CHRNA2: variants seen among roughly 807,000 people sequenced by gnomAD.
The protein encoded by CHRNA2 is cholinergic receptor nicotinic alpha 2 subunit.
CHRNA2 carries 40 observed loss-of-function variants against 45.5 expected under a neutral mutation model. The observed-to-expected ratio is 0.88, with a 90% CI of 0.68 to 1.15. The LOEUF (loss-of-function observed/expected upper bound fraction) is 1.15, where lower values mean the gene tolerates loss of function less well. Among genes scored for constraint, CHRNA2 ranks in the 50% most tolerant of loss-of-function variants. CHRNA2 has a pLI of 0.00. For synonymous variants in CHRNA2, 301 were observed against 296.7 expected (o/e 1.01, Z -0.15); for missense variants, 655 against 701.7 (o/e 0.93, Z 0.75).
In CHRNA2 at chr8:27,463,049, TG is replaced by T. The variant is rs1394301488; in HGVS notation, c.1393del (p.His465ThrfsTer25). On this transcript the variant is annotated frameshift_variant, in exon 6 of 7. Coordinates refer to ENST00000407991, the MANE Select transcript of CHRNA2 (RefSeq NM_000742.4). LOFTEE classifies it high-confidence loss of function. This position sits in a 1 kb window ranked among gnomAD's most constrained non-coding sequence, Gnocchi z 6.1. ...CACACCTTCCAGTGCCTTCTGCATG[TG>T]GGGTGATAGCAGCAGCTCACCCTCC... ...LQEGELLLSP[H>X]MQKALEGVHY... 8.7e-6 allele frequency: 14 copies of T among 1,613,642 alleles called. No individual in the cohort carries two copies. Among genetic ancestry groups the T allele is most frequent in the Admixed American group, 1.7e-5 (1 of 59,998 alleles).
rs937100922 is a variant in CHRNA2 at position 27,473,527 on chromosome 8, C to CA, written c.-136-2334_-136-2333insT. On this transcript the variant is annotated intron_variant, in intron 1 of 6. Coordinates refer to ENST00000407991, the MANE Select transcript of CHRNA2 (RefSeq NM_000742.4). ...CCAGCCTGGGCAACATAGTGAGACCCCCCCCGCCGTCTCTACAAAAAATTC... is the reference window on the plus strand; with the variant it reads ...CCAGCCTGGGCAACATAGTGAGACCCACCCCCGCCGTCTCTACAAAAAATTC... 3.8e-4 allele frequency among the ~76,000 whole-genome samples: 45 copies of CA among 118,496 alleles called. 2 individuals are homozygous for CA. Among genetic ancestry groups the CA allele is most frequent in the Non-Finnish European group, 7.3e-4 (40 of 54,796 alleles). The allele number at this position is 118,496 out of a possible 152,430, so 77.7% of individuals were successfully genotyped here.
intron 5 of CHRNA2, among the ~76,000 whole-genome samples, chr8:27,465,198 T>A (rs1812659543): frequency 6.6e-6 from 1 of 151,902 alleles, no homozygotes; most frequent in African/African-American, 2.4e-5. Context: ...TAGCACTTCC[T>A]GGAAGCCTCA....
chr8:27,469,425 C>G (rs1448354515), intron 3 of CHRNA2, 46 bp from the exon 4 acceptor site: 1 of 1,539,578 alleles, frequency 6.5e-7, no homozygotes, highest in African/African-American at 1.4e-5. Flanking sequence ...GTGGGCCCAG[C>G]CCCAGAAGAC....
At position 27,461,465 on chromosome 8, in the gene CHRNA2, A is replaced by C. The variant is rs1321871972; in HGVS notation, c.*164T>G. Reference sequence around the variant, plus strand: ...CCCAGCAGGCTGTCAGCCCTGGTACAATAACGTTAAGCTGGATGGAAGCCT... The same window carrying C: ...CCCAGCAGGCTGTCAGCCCTGGTACCATAACGTTAAGCTGGATGGAAGCCT... On this transcript the variant is annotated 3_prime_UTR_variant, in exon 7 of 7. Transcript: ENST00000407991. 2.0e-6 allele frequency: 2 copies of C among 981,098 alleles called. No homozygotes were observed. Among genetic ancestry groups the C allele is most frequent in the South Asian group, 3.2e-5 (2 of 62,216 alleles). 60.8% of individuals were successfully genotyped at this position (981,098 alleles called of 1,614,324 possible).
In CHRNA2 at chr8:27,470,112, G is replaced by A. The variant is rs1812830828; in HGVS notation, c.74-131C>T. ...AGATGATAATGTCTATCAGAGCTGA[G>A]CACAGCATGAGCAGGCTGCGGGGTC... is the stretch of plus-strand genomic sequence containing the variant. On this transcript the variant is annotated intron_variant, in intron 2 of 6. Transcript: ENST00000407991. 5 of 892,786 alleles carry A rather than the reference G, an allele frequency of 5.6e-6. No homozygotes were observed. The East Asian group carries it at 1.1e-4, about 19-fold the overall frequency. 55.3% of individuals were successfully genotyped at this position (892,786 alleles called of 1,614,324 possible). A position where few individuals can be genotyped will look rare whatever the true frequency, so the allele number is the denominator to read the frequency against.
chr8:27,463,055 G>A lies in CHRNA2; in HGVS notation c.1388C>T (p.Ser463Leu), dbSNP rs1329360905. The change falls in exon 6 of 7, where the codon TCA (serine) becomes TTA (leucine). Residue 463 changes from serine to leucine, a missense_variant. By Grantham distance (145) the Ser-to-Leu change is moderately radical. Around this residue, in one of 3 missense-constraint regions of CHRNA2, gnomAD observed 295 missense variants for 280.4 expected, o/e 1.05. Coordinates refer to ENST00000407991, the MANE Select transcript of CHRNA2 (RefSeq NM_000742.4). The surrounding 1 kb of genome is among the most constrained non-coding windows in gnomAD (Gnocchi z 6.1). ...TTCCAGTGCCTTCTGCATGTGGGGT[G>A]ATAGCAGCAGCTCACCCTCCTGCAG... ...ALLQEGELLL[S>L]PHMQKALEGV... The A allele has an allele frequency of 1.2e-6, 2 of 1,613,540 alleles. No individual in the cohort carries two copies. Among genetic ancestry groups the A allele is most frequent in the African/African-American group, 2.7e-5 (2 of 75,060 alleles).
At chr8:27,467,162 A>G in intron 5 of CHRNA2, 67 bp downstream of exon 5, 1 of 1,288,002 alleles carries the variant, frequency 7.8e-7, no homozygotes, top group East Asian at 2.3e-5. Context: ...GCCCCTCCCA[A>G]GGCCATGGAC....
intron 3 of CHRNA2, 101 bp from the exon 4 acceptor site, chr8:27,469,480 C>A (rs1303037605): frequency 7.7e-7 from 1 of 1,301,002 alleles, no homozygotes; most frequent in East Asian, 2.5e-5. Flanking sequence ...TGATAGGACA[C>A]CCCAAGCCCA....
At chr8:27,470,156 G>A (rs1812832735) in intron 2 of CHRNA2, 175 bp from the exon 3 acceptor site, 1 of 688,446 alleles carries the variant, frequency 1.5e-6, no homozygotes, top group South Asian at 1.6e-5. Context: ...GGAAAGGTCA[G>A]CTGTTTTGTG....
intron 2 of CHRNA2, among the ~76,000 whole-genome samples, chr8:27,470,328 G>A (rs1192044699): frequency 6.6e-6 from 1 of 152,196 alleles, no homozygotes; most frequent in African/African-American, 2.4e-5. Flanking sequence ...ACGTGGCGGG[G>A]CTGCAGGGAG....
At chr8:27,469,052 G>A (rs998635246) in intron 4 of CHRNA2, among the ~76,000 whole-genome samples, 13 of 152,174 alleles carry the variant, frequency 8.5e-5, no homozygotes, top group Non-Finnish European at 1.5e-4. Flanking sequence ...GGAGGATTCC[G>A]AAGTAGCAGG....
At chr8:27,477,787 T>C (rs1813104702) in intron 1 of CHRNA2, among the ~76,000 whole-genome samples, 1 of 152,064 alleles carries the variant, frequency 6.6e-6, no homozygotes, top group South Asian at 2.1e-4. Flanking sequence ...TCCCTAATTG[T>C]AAAGTGGGTC....
At chr8:27,464,726 G>T (rs1812644198) in intron 5 of CHRNA2, among the ~76,000 whole-genome samples, 1 of 152,128 alleles carries the variant, frequency 6.6e-6, no homozygotes. Context: ...GATCATCCTT[G>T]CTCAGAAGAG....
Position 27,469,798 on chromosome 8 carries a change from A to G in CHRNA2, c.257T>C (p.Val86Ala), listed in dbSNP as rs749670139. Reference protein sequence around the residue: ...PVPNTSDVVIVRFGLSIAQLI... With the variant: ...PVPNTSDVVIARFGLSIAQLI... ...CTGAGCGATGGACAGTCCAAAGCGC[A>G]CAATCACCACGTCTGAAGTGTTGGG... Residue 86 changes from valine to alanine, a missense_variant, in exon 3 of 7, where the codon GTG becomes GCG. This residue lies in a region of CHRNA2 where 323 missense variants were observed against 354.4 expected (regional missense o/e 0.91). Transcript: ENST00000407991. The G allele has an allele frequency of 6.2e-7, 1 of 1,614,198 alleles. No individual in the cohort carries two copies. The highest frequency in any genetic ancestry group is 2.2e-5 in the East Asian group (1 of 44,874).
intron 1 of CHRNA2, chr8:27,477,253 G>A (rs1355890932): frequency 6.6e-6 from 1 of 152,130 alleles, no homozygotes; most frequent in Non-Finnish European, 1.5e-5. Context: ...TGAGGAGAGG[G>A]GACAGGCACC....
rs1812431004 is a variant in CHRNA2, at chr8:27,460,318, A to T, written c.*1311T>A. 6.6e-6 allele frequency: 1 copy of T among 152,048 alleles called. No individual in the cohort carries two copies. Among genetic ancestry groups the T allele is most frequent in the South Asian group, 2.1e-4 (1 of 4,820 alleles). 9.4% of individuals were successfully genotyped at this position (152,048 alleles called of 1,614,324 possible). A position where few individuals can be genotyped will look rare whatever the true frequency, so the allele number is the denominator to read the frequency against. ...CTGTGGGGTGGTGCATTGCATTCCA[A>T]GGTGCACACACAGGCTGCTCTGAAG... is the stretch of plus-strand genomic sequence containing the variant. On this transcript the variant is annotated 3_prime_UTR_variant, in exon 7 of 7. Coordinates refer to ENST00000407991, the MANE Select transcript of CHRNA2 (RefSeq NM_000742.4).
At chr8:27,464,080 G>A (rs3735757) in intron 5 of CHRNA2, 87 bp from the exon 6 acceptor site, 82 of 1,518,470 alleles carry the variant, frequency 5.4e-5, no homozygotes, top group Non-Finnish European at 3.2e-5. Flanking sequence ...AGGGGAACCC[G>A]AAGAACCAAG....
Position 27,461,584 on chromosome 8 carries a change from A to T in CHRNA2, c.*45T>A, listed in dbSNP as rs1401110585. 2 of 1,613,030 alleles carry T rather than the reference A, an allele frequency of 1.2e-6. No individual in the cohort carries two copies. The highest frequency in any genetic ancestry group is 2.2e-5 in the East Asian group (1 of 44,832). On this transcript the variant is annotated 3_prime_UTR_variant, in exon 7 of 7. Coordinates refer to ENST00000407991, the MANE Select transcript of CHRNA2 (RefSeq NM_000742.4). ...CAGCTGTAGCAGAGACGGTCAAAAG[A>T]TGGTCAGCGGGGGTGCCCTGGGAGC...
chr8:27,470,848 C>T, intron 2 of CHRNA2, 138 bp downstream of exon 2: 1 of 833,944 alleles, frequency 1.2e-6, no homozygotes, highest in Non-Finnish European at 2.0e-6. Context: ...CCAGTGGAAA[C>T]AGCCACCTGG....
Sources: gnomAD v4.1 joint callset for allele counts (sites outside exome capture counted in the v4.1 genomes callset) on GRCh38, gnomAD v4.1.1 for gene constraint, gnomAD v4.1.1 regional missense constraint, Gnocchi (gnomAD v3.1) non-coding constraint, MANE v1.5 for transcripts, NCBI Gene and HGNC (gene_info 2026-07-23, HGNC 2026-07-21) for gene names.